Variants in NFRKB observed in about 807,000 individuals in gnomAD.
The protein encoded by NFRKB is nuclear factor related to kappa-B-binding protein.
In NFRKB, 62 loss-of-function variants were observed where a neutral mutation model predicts 135.7. The ratio of observed to expected loss-of-function variants is 0.46; its 90% CI spans 0.37 to 0.56. The LOEUF is 0.56. Ranked by LOEUF, NFRKB falls within the 20% of genes least tolerant of loss-of-function variation. The pLI, the probability that NFRKB is intolerant of heterozygous loss-of-function variation, is 0.00. For synonymous variants in NFRKB, 678 were observed against 635.6 expected (o/e 1.07, Z -1.00); for missense variants, 1,545 against 1,662.0 (o/e 0.93, Z 1.22).
At chr11:129,886,114 C>A (rs1341215910) in intron 5 of NFRKB, among the ~76,000 whole-genome samples, 1 of 152,170 alleles carries the variant, frequency 6.6e-6, no homozygotes, top group Non-Finnish European at 1.5e-5. Context: ...TTAAGAAGCA[C>A]ATTTTATGTT....
chr11:129,882,765 C>CA, intron 9 of NFRKB, 134 bp from the exon 10 acceptor site: 2 of 900,524 alleles, frequency 2.2e-6, no homozygotes, highest in Non-Finnish European at 3.4e-6. Context: ...TCAATGAAAC[C>CA]AAATTCATTG....
At position 129,881,467 on chromosome 11, in the gene NFRKB, T is replaced by C; in HGVS notation, c.1360A>G (p.Lys454Glu). 1 of 1,614,164 alleles carries C rather than the reference T, an allele frequency of 6.2e-7. No homozygotes were observed. ...SFSPFVEFKEKTQQWKLLGQS... is the reference protein window; with the variant it reads ...SFSPFVEFKEETQQWKLLGQS... ...CCAAGCAACTTCCACTGCTGGGTTT[T>C]CTCTTTGAATTCAACAAATGGAGAG... The change falls in exon 13 of 27, where the codon AAA becomes GAA. Residue 454 changes from lysine (K) to glutamate (E), a missense_variant. Around this residue, in one of 3 missense-constraint regions of NFRKB, gnomAD observed 678 missense variants for 646.7 expected, o/e 1.05. Coordinates refer to ENST00000682444, the MANE Select transcript of NFRKB (RefSeq NM_001143835.2).
chr11:129,866,092 G>A, intron 24 of NFRKB, 109 bp from the exon 25 acceptor site: 1 of 894,486 alleles, frequency 1.1e-6, no homozygotes, highest in Non-Finnish European at 1.7e-6. Flanking sequence ...GATGCTGTCA[G>A]TCCCCAGTAC....
chr11:129,890,237 T>C (rs976845517), intron 3 of NFRKB, among the ~76,000 whole-genome samples: 4 of 152,072 alleles, frequency 2.6e-5, no homozygotes, highest in Admixed American at 2.6e-4. Flanking sequence ...CCAGGCATCT[T>C]TGCATGAACG....
chr11:129,883,958 G>A (rs976092316), intron 8 of NFRKB, 112 bp downstream of exon 8: 9 of 1,129,598 alleles, frequency 8.0e-6, no homozygotes, highest in South Asian at 1.2e-5. Flanking sequence ...TGTGCCCACA[G>A]TGGTAGGGAG....
At position 129,868,580 on chromosome 11, in the gene NFRKB, C is replaced by G. The variant is rs564635591; in HGVS notation, c.3531+914G>C. 5.9e-5 allele frequency among the ~76,000 whole-genome samples: 9 copies of G among 152,282 alleles called. No homozygotes were observed. The South Asian group carries it at 1.9e-3, about 32-fold the overall frequency. On this transcript the variant is annotated intron_variant, in intron 24 of 26. Coordinates refer to ENST00000682444, the MANE Select transcript of NFRKB (RefSeq NM_001143835.2). ...GCACTAGCACTCTCCGCTTCAGAAACGTTCACACATAAGCCCAGACACATT... is the reference window on the plus strand; with the variant it reads ...GCACTAGCACTCTCCGCTTCAGAAAGGTTCACACATAAGCCCAGACACATT...
chr11:129,887,954 G>A (rs912229710), intron 4 of NFRKB, among the ~76,000 whole-genome samples: 7 of 152,156 alleles, frequency 4.6e-5, no homozygotes, highest in African/African-American at 9.7e-5. Flanking sequence ...GGAGAATGGC[G>A]TGAACGCGGG....
At chr11:129,869,138 C>T (rs965694009) in intron 24 of NFRKB, among the ~76,000 whole-genome samples, 5 of 152,102 alleles carry the variant, frequency 3.3e-5, no homozygotes, top group African/African-American at 1.2e-4. Context: ...GGATAAATGC[C>T]GAACTACCAA....
In NFRKB at chr11:129,874,225, C is replaced by T. The variant is rs944923477; in HGVS notation, c.2167G>A (p.Val723Ile). 3.3e-6 allele frequency: 5 copies of T among 1,519,542 alleles called. No homozygotes were observed. In the South Asian group the frequency reaches 4.1e-5, roughly 12 times the overall value. 94.1% of individuals were successfully genotyped at this position (1,519,542 alleles called of 1,614,324 possible). A position where few individuals can be genotyped will look rare whatever the true frequency, so the allele number is the denominator to read the frequency against. The change falls in exon 21 of 27, where the codon GTA becomes ATA. Residue 723 changes from valine (V) to isoleucine (I), a missense_variant. Around this residue, in one of 3 missense-constraint regions of NFRKB, gnomAD observed 753 missense variants for 804.3 expected, o/e 0.94. Coordinates refer to ENST00000682444, the MANE Select transcript of NFRKB (RefSeq NM_001143835.2). The surrounding 1 kb of genome is among the most constrained non-coding windows in gnomAD (Gnocchi z 4.5). ...SSMPPTPVTP[V>I]TPTTPALPAI... ...GGCAATGCTGGTGTGGTGGGGGTTA[C>T]AGGTGTGACTGGGGTGGGTGGCATA...
chr11:129,877,176 AC>A, intron 16 of NFRKB, 148 bp downstream of exon 16: 1 of 859,440 alleles, frequency 1.2e-6, no homozygotes. Context: ...CACCGTTTCC[AC>A]CCCCAACAAG....
At position 129,863,886 on chromosome 11, in the gene NFRKB, A is replaced by C. The variant is rs1400008112; in HGVS notation, c.*839T>G. The C allele has an allele frequency of 6.6e-6, 1 of 152,288 alleles. No homozygotes were observed. Among genetic ancestry groups the C allele is most frequent in the Non-Finnish European group, 1.5e-5 (1 of 68,118 alleles). 9.4% of individuals were successfully genotyped at this position (152,288 alleles called of 1,614,324 possible). A position where few individuals can be genotyped will look rare whatever the true frequency, so the allele number is the denominator to read the frequency against. ...CAGAAGGTATACTCTGAACTGCAAC[A>C]AAGTTTCTGCTGCAAAAGCAGCACC... On this transcript the variant is annotated 3_prime_UTR_variant, in exon 27 of 27. Transcript: ENST00000682444.
Sources: gnomAD v4.1 joint callset for allele counts (sites outside exome capture counted in the v4.1 genomes callset) on GRCh38, gnomAD v4.1.1 for gene constraint, gnomAD v4.1.1 regional missense constraint, Gnocchi (gnomAD v3.1) non-coding constraint, MANE v1.5 for transcripts, NCBI Gene and HGNC (gene_info 2026-07-23, HGNC 2026-07-21) for gene names.